The following PPIE variants were observed in gnomAD, a reference collection of about 807,000 sequenced individuals.
The protein encoded by PPIE is peptidylprolyl isomerase E.
Under a neutral mutation model 38.4 loss-of-function variants are expected in PPIE, and 20 were observed. The ratio of observed to expected loss-of-function variants is 0.52; its 90% confidence interval spans 0.37 to 0.76. The LOEUF is 0.76. Ranked by LOEUF, PPIE falls within the 30% of genes least tolerant of loss-of-function variation. The pLI is 0.00. For synonymous variants in PPIE, 142 were observed against 135.7 expected (o/e 1.05, Z -0.32); for missense variants, 322 against 385.8 (o/e 0.83, Z 1.39).
At chr1:39,740,745 G>T (rs1647036729) in intron 2 of PPIE, among the ~76,000 whole-genome samples, 1 of 152,160 alleles carries the variant, frequency 6.6e-6, no homozygotes, top group Non-Finnish European at 1.5e-5. Flanking sequence ...GTTTACCTTT[G>T]TTGTCATTTT....
intron 8 of PPIE, among the ~76,000 whole-genome samples, chr1:39,751,204 A>G (rs1482533856): frequency 6.6e-6 from 1 of 152,254 alleles, no homozygotes; most frequent in East Asian, 1.9e-4. Flanking sequence ...TTATTTACAT[A>G]GTAGTTACAT....
intron 8 of PPIE, among the ~76,000 whole-genome samples, chr1:39,752,458 CAT>C (rs1164871091): frequency 1.3e-5 from 2 of 152,214 alleles, no homozygotes; most frequent in Non-Finnish European, 2.9e-5. Flanking sequence ...CACACACACA[CAT>C]ACATACATGT....
In PPIE at chr1:39,753,373, T is replaced by C; in HGVS notation, c.*18T>C. Reference sequence around the variant, plus strand: ...ACGTGTGAGGCGGCACTCTCTCTGCTTCCCCCTCCGCTCTTGACCCTGCAT... The same window carrying C: ...ACGTGTGAGGCGGCACTCTCTCTGCCTCCCCCTCCGCTCTTGACCCTGCAT... On this transcript the variant is annotated 3_prime_UTR_variant, in exon 10 of 10. Coordinates refer to ENST00000324379, the MANE Select transcript of PPIE (RefSeq NM_006112.4). 1.9e-6 allele frequency: 3 copies of C among 1,612,470 alleles called. No homozygotes were observed. Among genetic ancestry groups the C allele is most frequent in the Admixed American group, 1.7e-5 (1 of 59,908 alleles).
chr1:39,746,695 T>C (rs778682888), intron 7 of PPIE: 5 of 152,260 alleles, frequency 3.3e-5, no homozygotes, highest in Admixed American at 6.5e-5. Context: ...CTCTGAGCTT[T>C]TGGAGTGCAA....
At chr1:39,744,115 A>G (rs1160064133) in intron 6 of PPIE, among the ~76,000 whole-genome samples, 191 bp downstream of exon 6, 1 of 152,184 alleles carries the variant, frequency 6.6e-6, no homozygotes, top group East Asian at 1.9e-4. Context: ...GAGTGAATTC[A>G]AGGGCGAAAC....
At chr1:39,760,370 G>A, downstream of PPIE, 1 of 1,607,818 alleles carries the variant, frequency 6.2e-7, no homozygotes, top group Non-Finnish European at 8.5e-7. Context: ...CTTCTGAGGG[G>A]CCCGATCCAG....
downstream of PPIE, chr1:39,760,557 C>G: frequency 6.2e-7 from 1 of 1,613,806 alleles, no homozygotes; most frequent in Non-Finnish European, 8.5e-7. Flanking sequence ...CGTCTGGCAT[C>G]ATCAGGTGCA....
rs76781616 is a variant in PPIE, at chr1:39,749,426, A to G, written c.694+338A>G. 8.7e-4 allele frequency among the ~76,000 whole-genome samples: 133 copies of G among 152,172 alleles called. 2 individuals are homozygous for G. The East Asian group carries it at 0.025, about 28-fold the overall frequency. On this transcript the variant is annotated intron_variant, in intron 8 of 9. Transcript: ENST00000324379. ...AATCTCGGTGGTTAGTCCCCCAGCAACTAGAGAAAAAACACAGAATTGTAC... is the reference window on the plus strand; with the variant it reads ...AATCTCGGTGGTTAGTCCCCCAGCAGCTAGAGAAAAAACACAGAATTGTAC...
rs770922889 is a variant in PPIE, at chr1:39,763,667, C to T, written c.838-22C>T. 147 of 1,569,926 alleles carry T rather than the reference C, an allele frequency of 9.4e-5. 4 individuals are homozygous for T. The highest frequency in any genetic ancestry group is 1.3e-4 in the African/African-American group (9 of 71,556). On this transcript the variant is annotated intron_variant, in intron 9 of 9. Coordinates refer to the PPIE transcript ENST00000356511. ...TCCCTGCAGATTCACTTCTGATCTA[C>T]AGGTGGTGATTGTCATTTCAGAAAC...
chr1:39,763,558 C>T, intron 9 of PPIE: 23 of 1,184,356 alleles, frequency 1.9e-5, no homozygotes, highest in Non-Finnish European at 2.6e-5. Context: ...AACCCTTTCT[C>T]ACCATATTCT....
chr1:39,744,611 C>T (rs907020264), intron 6 of PPIE, among the ~76,000 whole-genome samples: 2 of 152,218 alleles, frequency 1.3e-5, no homozygotes, highest in Admixed American at 1.3e-4. Context: ...TCCTGAGCTT[C>T]AGATATTTCT....
At chr1:39,762,621 C>A in intron 9 of PPIE, 1 of 1,548,072 alleles carries the variant, frequency 6.5e-7, no homozygotes, top group Non-Finnish European at 8.7e-7. Flanking sequence ...GCCACACCAT[C>A]TAGAAGCTTC....
intron 2 of PPIE, among the ~76,000 whole-genome samples, 171 bp downstream of exon 2, chr1:39,740,434 G>A (rs770340946): frequency 6.6e-6 from 1 of 152,204 alleles, no homozygotes; most frequent in Non-Finnish European, 1.5e-5. Flanking sequence ...AATGTTCTGA[G>A]GCCATGTGGT....
intron 1 of PPIE, among the ~76,000 whole-genome samples, chr1:39,739,504 G>A (rs970478990): frequency 3.3e-5 from 5 of 152,218 alleles, no homozygotes; most frequent in Non-Finnish European, 2.9e-5. Context: ...AATTACCTCA[G>A]TAGCACACTT....
chr1:39,755,888 G>A lies in PPIE; in HGVS notation c.*2533G>A. On this transcript the variant is annotated 3_prime_UTR_variant, in exon 10 of 10. Transcript: ENST00000324379. ...AGGTCACACAGGGTGGTTTGGCAGA[G>A]CTGGGATTAGAAGCCCAGCCTGTCT... The A allele has an allele frequency of 2.0e-6, 2 of 985,438 alleles. No homozygotes were observed. The highest frequency in any genetic ancestry group is 1.7e-5 in the African/African-American group (1 of 57,368). The allele number at this position is 985,438 out of a possible 1,614,324, so 61.0% of individuals were successfully genotyped here.
Position 39,754,207 on chromosome 1 carries a change from C to A in PPIE, c.*852C>A. On this transcript the variant is annotated 3_prime_UTR_variant, in exon 10 of 10. Coordinates refer to ENST00000324379, the MANE Select transcript of PPIE (RefSeq NM_006112.4). ...TATTGTCCATGGTGGTTTCTTACTG[C>A]AGTGGCAGAGGTGCGTAAGGGGCTA... is the stretch of plus-strand genomic sequence containing the variant. 1.9e-6 allele frequency: 1 copy of A among 515,458 alleles called. No individual in the cohort carries two copies. The highest frequency in any genetic ancestry group is 2.5e-6 in the Non-Finnish European group (1 of 400,518). The allele number at this position is 515,458 out of a possible 1,614,324, so 31.9% of individuals were successfully genotyped here. A position where few individuals can be genotyped will look rare whatever the true frequency, so the allele number is the denominator to read the frequency against.
In PPIE at chr1:39,752,901, C is replaced by G. The variant is rs1436939240; in HGVS notation, c.695-9C>G. 7 of 1,610,672 alleles carry G rather than the reference C, an allele frequency of 4.3e-6. No homozygotes were observed. In the South Asian group the frequency reaches 6.6e-5, roughly 15 times the overall value. Reference sequence around the variant, plus strand: ...GGTTCGGGGAGCTGATGGTTGTTCTCTCCCTCAGGTCTACTATCCATGGCC... The same window carrying G: ...GGTTCGGGGAGCTGATGGTTGTTCTGTCCCTCAGGTCTACTATCCATGGCC... On this transcript the variant is annotated splice_polypyrimidine_tract_variant and intron_variant, in intron 8 of 9. Coordinates refer to ENST00000324379, the MANE Select transcript of PPIE (RefSeq NM_006112.4).
chr1:39,760,794 G>A (rs1236901941), downstream of PPIE, among the ~76,000 whole-genome samples: 6 of 152,196 alleles, frequency 3.9e-5, no homozygotes, highest in Admixed American at 3.3e-4. Context: ...ATGGCAGGGG[G>A]TGTGCAGCAG....
At position 39,755,635 on chromosome 1, in the gene PPIE, G is replaced by A; in HGVS notation, c.*2280G>A. ...GGAGAGAGTGTGTAGAAAAAGCACA[G>A]CCAGCCTCCCATAAAAGGACAGACT... On this transcript the variant is annotated 3_prime_UTR_variant, in exon 10 of 10. Transcript: ENST00000324379. The A allele has an allele frequency of 1.0e-6, 1 of 985,380 alleles. No homozygotes were observed. The highest frequency in any genetic ancestry group is 1.1e-4 in the East Asian group (1 of 8,802). 61.0% of individuals were successfully genotyped at this position (985,380 alleles called of 1,614,324 possible). A position where few individuals can be genotyped will look rare whatever the true frequency, so the allele number is the denominator to read the frequency against.
Sources: gnomAD v4.1 joint callset for allele counts (sites outside exome capture counted in the v4.1 genomes callset) on GRCh38, gnomAD v4.1.1 for gene constraint, MANE v1.5 for transcripts, NCBI Gene and HGNC (gene_info 2026-07-23, HGNC 2026-07-21) for gene names.